The following NBL1 variants were observed in gnomAD, a reference collection of about 807,000 sequenced individuals.
NBL1 encodes the protein neuroblastoma suppressor of tumorigenicity 1.
NBL1 carries 9 observed loss-of-function variants against 16.0 expected under a neutral mutation model. The observed-to-expected ratio is 0.56, with a 90% CI of 0.34 to 0.98. NBL1 has a LOEUF of 0.98. NBL1 is among the 50% of genes least tolerant of loss of function. The probability of loss-of-function intolerance (pLI) is 0.02; values close to 1 mark genes in which losing one functional copy is unlikely to be tolerated. For missense variants in NBL1, 196 were observed against 243.1 expected, an observed-to-expected ratio of 0.81 and a Z score of 1.29; for synonymous variants, 86 against 100.7, an observed-to-expected ratio of 0.85 and a Z score of 0.87.
chr1:19,651,564 C>T (rs183329609), intron 1 of NBL1, among the ~76,000 whole-genome samples: 5 of 152,258 alleles, frequency 3.3e-5, no homozygotes, highest in African/African-American at 1.2e-4. Flanking sequence ...TCTCAACACT[C>T]GGCTTCAGCC....
intron 1 of NBL1, among the ~76,000 whole-genome samples, chr1:19,651,270 G>C (rs1372007612): frequency 6.6e-6 from 1 of 152,148 alleles, no homozygotes; most frequent in Non-Finnish European, 1.5e-5. Flanking sequence ...CTGCTGGCCC[G>C]GGGAGGCCGA....
intron 1 of NBL1, among the ~76,000 whole-genome samples, chr1:19,647,048 A>G (rs2094984902): frequency 6.6e-6 from 1 of 152,208 alleles, no homozygotes; most frequent in African/African-American, 2.4e-5. Context: ...GGAATTAACT[A>G]TGATGGGCGA....
intron 3 of NBL1, 124 bp downstream of exon 3, chr1:19,655,559 C>T: frequency 1.8e-6 from 2 of 1,107,028 alleles, no homozygotes; most frequent in Non-Finnish European, 2.6e-6. Flanking sequence ...CCACTGTGTG[C>T]AGGGTGAAGG....
intron 1 of NBL1, among the ~76,000 whole-genome samples, chr1:19,649,802 C>T (rs147545185): frequency 0.032 from 4,931 of 152,186 alleles, 289 homozygotes; most frequent in African/African-American, 0.11. Flanking sequence ...GCTGGGACCA[C>T]AGGCATGCAC....
rs2094975277 is a variant in NBL1, at chr1:19,645,737, C to G, written c.-20+1291C>G. ...TGACCCCTACCCCTCTCCACCCACC[C>G]CTGCAAGCTGGACCTCTCTCCCGGG... On this transcript the variant is annotated intron_variant, in intron 1 of 3. Coordinates refer to ENST00000375136, the MANE Select transcript of NBL1 (RefSeq NM_005380.8). The G allele has an allele frequency of 3.7e-6, 5 of 1,355,322 alleles. 1 individual carries two copies. The South Asian group carries it at 4.6e-5, about 12-fold the overall frequency. 84.0% of individuals were successfully genotyped at this position (1,355,322 alleles called of 1,614,324 possible).
chr1:19,655,253 G>C (rs1478093986), intron 2 of NBL1, 53 bp downstream of exon 2: 1 of 1,609,608 alleles, frequency 6.2e-7, no homozygotes, highest in East Asian at 2.2e-5. Context: ...AAGGAGGGAG[G>C]AAGAGGACCA....
Position 19,658,019 on chromosome 1 carries a change from G to A in NBL1, c.*890G>A, listed in dbSNP as rs1021645779. 6.5e-5 allele frequency: 10 copies of A among 152,776 alleles called. No homozygotes were observed. Among genetic ancestry groups the A allele is most frequent in the South Asian group, 2.1e-4 (1 of 4,838 alleles). The allele number at this position is 152,776 out of a possible 1,614,324, so 9.5% of individuals were successfully genotyped here. On this transcript the variant is annotated 3_prime_UTR_variant, in exon 4 of 4. Coordinates refer to ENST00000375136, the MANE Select transcript of NBL1 (RefSeq NM_005380.8). ...CCCAGGGATGCTCTTTGTAAATATCGGATGGGTGTGGGAGTGAGGGGTTAC... is the reference window on the plus strand; with the variant it reads ...CCCAGGGATGCTCTTTGTAAATATCAGATGGGTGTGGGAGTGAGGGGTTAC...
At chr1:19,643,467 T>G, upstream of NBL1, 1 of 1,593,908 alleles carries the variant, frequency 6.3e-7, no homozygotes, top group Non-Finnish European at 8.6e-7. This position sits in a 1 kb window ranked among gnomAD's most constrained non-coding sequence, Gnocchi z 4.7. Flanking sequence ...GGGCCACCAC[T>G]TTCCAGAAGC....
At chr1:19,643,701 G>C (rs766834079), upstream of NBL1, 5 of 1,163,224 alleles carry the variant, frequency 4.3e-6, no homozygotes, top group Non-Finnish European at 5.4e-6. The surrounding 1 kb of genome is among the most constrained non-coding windows in gnomAD (Gnocchi z 4.7). Context: ...AAGGGCGTGG[G>C]GCCGAGAGCG....
upstream of NBL1, chr1:19,644,172 C>G (rs911491094): frequency 1.0e-6 from 1 of 979,942 alleles, no homozygotes; most frequent in African/African-American, 1.8e-5. This position sits in a 1 kb window ranked among gnomAD's most constrained non-coding sequence, Gnocchi z 4.6. Flanking sequence ...CTCCTGCGCA[C>G]CCGGAGGGAG....
At chr1:19,646,969 C>T (rs1447070610) in intron 1 of NBL1, among the ~76,000 whole-genome samples, 1 of 152,170 alleles carries the variant, frequency 6.6e-6, no homozygotes, top group African/African-American at 2.4e-5. Context: ...GAGCGAGGGG[C>T]AGAAGGGAGC....
intron 1 of NBL1, among the ~76,000 whole-genome samples, chr1:19,651,834 C>T (rs1003933662): frequency 3.7e-4 from 57 of 152,288 alleles, no homozygotes; most frequent in African/African-American, 1.4e-3. Flanking sequence ...AGCTGGACTA[C>T]AGGTGCACAT....
At chr1:19,645,290 C>T (rs949789591) in intron 1 of NBL1, 1 of 882,724 alleles carries the variant, frequency 1.1e-6, no homozygotes, top group Non-Finnish European at 1.4e-6. Context: ...TTAAGAATTC[C>T]ACCCCCGCGA....
upstream of NBL1, chr1:19,643,443 C>G (rs967125205): frequency 6.2e-7 from 1 of 1,608,668 alleles, no homozygotes; most frequent in African/African-American, 1.3e-5. This position sits in a 1 kb window ranked among gnomAD's most constrained non-coding sequence, Gnocchi z 4.7. Context: ...CAATCGTGTC[C>G]CAGTGGTGTC....
upstream of NBL1, chr1:19,644,279 C>T (rs2094963885): frequency 5.1e-6 from 5 of 979,538 alleles, no homozygotes; most frequent in South Asian, 4.7e-5. This position sits in a 1 kb window ranked among gnomAD's most constrained non-coding sequence, Gnocchi z 4.6. Context: ...ACGTCGGAGC[C>T]GCTCCCCCGC....
intron 1 of NBL1, chr1:19,647,687 C>A (rs1168974285): frequency 1.0e-6 from 1 of 985,080 alleles, no homozygotes; most frequent in Non-Finnish European, 1.2e-6. Flanking sequence ...TCGTCCGTCT[C>A]CATCAGCTGG....
chr1:19,646,100 A>AGGCCTGGGTGGCACGGGGTCG, intron 1 of NBL1: 1 of 1,528,834 alleles, frequency 6.5e-7, no homozygotes, highest in Non-Finnish European at 8.9e-7. Flanking sequence ...AGATGCAGGC[A>AGGCCTGGGTGGCACGGGGTCG]GGCCTGGGTG....
intron 1 of NBL1, among the ~76,000 whole-genome samples, chr1:19,649,749 C>A (rs963294277): frequency 6.6e-6 from 1 of 152,070 alleles, no homozygotes; most frequent in African/African-American, 2.4e-5. Flanking sequence ...GCAGCCTCAA[C>A]CTCCCAGGAC....
Position 19,644,829 on chromosome 1 carries a change from G to GCGCCT in NBL1, c.-20+385_-20+389dup, listed in dbSNP as rs1287948701. On this transcript the variant is annotated intron_variant, in intron 1 of 3. Coordinates refer to ENST00000375136, the MANE Select transcript of NBL1 (RefSeq NM_005380.8). This position sits in a 1 kb window ranked among gnomAD's most constrained non-coding sequence, Gnocchi z 4.6. ...GGCCGTGCCCGGGCCTCGCCGCGCC[G>GCGCCT]CGCCTCTCGGCTCTGGACGTTTCCG... Among the ~76,000 whole-genome samples, 2 of 152,072 alleles carry GCGCCT rather than the reference G, an allele frequency of 1.3e-5. No homozygotes were observed. The highest frequency in any genetic ancestry group is 2.4e-5 in the African/African-American group (1 of 41,422).
Sources: gnomAD v4.1 joint callset for allele counts (sites outside exome capture counted in the v4.1 genomes callset) on GRCh38, gnomAD v4.1.1 for gene constraint, Gnocchi (gnomAD v3.1) non-coding constraint, MANE v1.5 for transcripts, NCBI Gene and HGNC (gene_info 2026-07-23, HGNC 2026-07-21) for gene names.